The following BORA variants were observed in gnomAD, a reference collection of about 807,000 sequenced individuals.
BORA encodes the protein BORA aurora kinase A activator, also known as protein aurora borealis.
A neutral mutation model predicts 55.8 loss-of-function variants in BORA; 26 were observed. The ratio of observed to expected loss-of-function variants is 0.47; its 90% confidence interval spans 0.34 to 0.65. The LOEUF (loss-of-function observed/expected upper bound fraction) is 0.65. Ranked by LOEUF, BORA falls within the 30% of genes least tolerant of loss-of-function variation. The pLI, the probability that BORA is intolerant of heterozygous loss-of-function variation, is 0.01. For synonymous variants in BORA, 201 were observed against 216.9 expected (o/e 0.93, Z 0.64); for missense variants, 568 against 671.5 (o/e 0.85, Z 1.70).
At chr13:72,731,660 TAAGAG>T (rs150326107) in intron 3 of BORA, among the ~76,000 whole-genome samples, 50,064 of 151,810 alleles carry the variant, frequency 0.33, 9,276 homozygotes, top group East Asian at 0.5. Context: ...AGCACTCAGT[TAAGAG>T]AAGAACATTT....
In BORA at chr13:72,755,558, T is replaced by G; in HGVS notation, c.*342T>G. Reference sequence around the variant, plus strand: ...TACTGGTAGCACTGAATTTAGCAGTTCTGAGAACATGTGAAACTATGTTAA... The same window carrying G: ...TACTGGTAGCACTGAATTTAGCAGTGCTGAGAACATGTGAAACTATGTTAA... On this transcript the variant is annotated 3_prime_UTR_variant, in exon 12 of 12. Coordinates refer to ENST00000390667, the MANE Select transcript of BORA (RefSeq NM_024808.5). 3.0e-6 allele frequency: 1 copy of G among 334,128 alleles called. No individual in the cohort carries two copies. The highest frequency in any genetic ancestry group is 4.8e-5 in the East Asian group (1 of 20,830). 20.7% of individuals were successfully genotyped at this position (334,128 alleles called of 1,614,324 possible). A position where few individuals can be genotyped will look rare whatever the true frequency, so the allele number is the denominator to read the frequency against.
chr13:72,728,786 T>G (rs1188931540), intron 1 of BORA, 140 bp from the exon 2 acceptor site: 1 of 637,604 alleles, frequency 1.6e-6, no homozygotes, highest in Non-Finnish European at 2.5e-6. Context: ...ATACTTTTTT[T>G]GTAAGCTGTA....
Position 72,737,946 on chromosome 13 carries a change from A to G in BORA, c.307-16A>G. ...GGTGGAATTTATGCCTAATTGTATG[A>G]CTTTAATTTTCCTAGTTTTTCACTA... On this transcript the variant is annotated splice_polypyrimidine_tract_variant and intron_variant, in intron 4 of 11. Transcript: ENST00000390667. 6.5e-7 allele frequency: 1 copy of G among 1,536,734 alleles called. No individual in the cohort carries two copies. The highest frequency in any genetic ancestry group is 2.3e-5 in the East Asian group (1 of 42,970).
chr13:72,747,210 G>A (rs2033169516), intron 10 of BORA, 99 bp downstream of exon 10: 1 of 1,286,452 alleles, frequency 7.8e-7, no homozygotes, highest in Non-Finnish European at 1.1e-6. Context: ...TTAAACATGA[G>A]GACTACAGTA....
rs908418536 is a variant in BORA at position 72,746,753 on chromosome 13, C to T, written c.1124C>T (p.Ser375Leu). ...AATATTCCTTCCACAGATGTCTCAT[C>T]ACCCGCCATGGATGCTGCTGGAATA... is the stretch of plus-strand genomic sequence containing the variant. The part of the protein sequence containing the change: ...KENIPSTDVS[S>L]PAMDAAGIHL... Residue 375 changes from serine (S) to leucine (L), a missense_variant, in exon 10 of 12, where the codon TCA (serine) becomes TTA (leucine). Transcript: ENST00000390667. The T allele has an allele frequency of 6.2e-7, 1 of 1,614,018 alleles. No homozygotes were observed. Among genetic ancestry groups the T allele is most frequent in the African/African-American group, 1.3e-5 (1 of 74,920 alleles).
chr13:72,755,074 T>G, intron 11 of BORA, 77 bp from the exon 12 acceptor site: 1 of 1,283,018 alleles, frequency 7.8e-7, no homozygotes. Context: ...TTTTAGGTTT[T>G]AAAAACAGTC....
At chr13:72,739,236 A>G (rs1418403838) in intron 5 of BORA, among the ~76,000 whole-genome samples, 1 of 152,190 alleles carries the variant, frequency 6.6e-6, no homozygotes, top group Non-Finnish European at 1.5e-5. Flanking sequence ...CAACAGATGA[A>G]TCAACCTTCT....
intron 10 of BORA, among the ~76,000 whole-genome samples, chr13:72,751,492 C>T (rs1297325262): frequency 2.6e-5 from 4 of 152,026 alleles, no homozygotes; most frequent in African/African-American, 9.7e-5. Flanking sequence ...ATAAGCCAGG[C>T]ACAGAAAGAT....
intron 5 of BORA, among the ~76,000 whole-genome samples, chr13:72,742,932 T>C (rs1434290139): frequency 1.3e-5 from 2 of 152,138 alleles, no homozygotes; most frequent in Non-Finnish European, 2.9e-5. Flanking sequence ...AAATACTGAA[T>C]GATTTCACTT....
At chr13:72,750,881 G>T (rs773851976) in intron 10 of BORA, among the ~76,000 whole-genome samples, 4 of 152,118 alleles carry the variant, frequency 2.6e-5, no homozygotes, top group Non-Finnish European at 4.4e-5. Context: ...AGTAGCCGCA[G>T]TAACTCCTCC....
chr13:72,734,072 G>A (rs2032870738), intron 3 of BORA, among the ~76,000 whole-genome samples: 3 of 152,124 alleles, frequency 2.0e-5, no homozygotes, highest in Admixed American at 1.3e-4. Context: ...AGAGGAGGGA[G>A]ATCAGGAAAA....
At chr13:72,741,742 T>C (rs1379428889) in intron 5 of BORA, among the ~76,000 whole-genome samples, 1 of 152,140 alleles carries the variant, frequency 6.6e-6, no homozygotes, top group Non-Finnish European at 1.5e-5. Context: ...TGTAGGTGTC[T>C]TTCTGGTCTG....
chr13:72,728,055 A>C, intron 1 of BORA, 48 bp downstream of exon 1: 1 of 1,549,958 alleles, frequency 6.5e-7, no homozygotes. Context: ...GTCTGAATGG[A>C]GAGGTTTCTT....
chr13:72,746,348 ATTG>A (rs1295986124), intron 9 of BORA, among the ~76,000 whole-genome samples, 150 bp from the exon 10 acceptor site: 1 of 152,178 alleles, frequency 6.6e-6, no homozygotes, highest in Non-Finnish European at 1.5e-5. Context: ...CATTTGTGCT[ATTG>A]TTTTTGACAT....
Position 72,755,665 on chromosome 13 carries a change from A to AAACT in BORA, c.*454_*457dup, listed in dbSNP as rs1244949258. ...CCTATGTGAAGAAATCTTAGATATA[A>AAACT]AACTAACTTTTCAAAGATACAAAAG... On this transcript the variant is annotated 3_prime_UTR_variant, in exon 12 of 12. Coordinates refer to ENST00000390667, the MANE Select transcript of BORA (RefSeq NM_024808.5). 14 of 388,782 alleles carry AAACT rather than the reference A, an allele frequency of 3.6e-5. No individual in the cohort carries two copies. The highest frequency in any genetic ancestry group is 5.9e-5 in the Non-Finnish European group (13 of 220,456). The allele number at this position is 388,782 out of a possible 1,614,324, so 24.1% of individuals were successfully genotyped here. A position where few individuals can be genotyped will look rare whatever the true frequency, so the allele number is the denominator to read the frequency against.
intron 11 of BORA, 200 bp from the exon 12 acceptor site, chr13:72,754,951 C>T (rs897435147): frequency 1.8e-5 from 9 of 500,062 alleles, no homozygotes; most frequent in African/African-American, 5.9e-5. Flanking sequence ...TGGGCTCGTG[C>T]GATCCTCCCA....
At chr13:72,736,102 C>G (rs2032921532) in intron 4 of BORA, among the ~76,000 whole-genome samples, 1 of 152,002 alleles carries the variant, frequency 6.6e-6, no homozygotes, top group African/African-American at 2.4e-5. Flanking sequence ...CTTCTTCTAT[C>G]TAGTAACTGC....
intron 4 of BORA, among the ~76,000 whole-genome samples, chr13:72,735,503 G>A (rs2032903453): frequency 6.6e-6 from 1 of 152,028 alleles, no homozygotes; most frequent in Non-Finnish European, 1.5e-5. Context: ...AAACAGGAAA[G>A]GTATATCATA....
intron 6 of BORA, among the ~76,000 whole-genome samples, chr13:72,743,904 T>C (rs1318706538): frequency 6.6e-6 from 1 of 151,754 alleles, no homozygotes; most frequent in Non-Finnish European, 1.5e-5. Flanking sequence ...CCTGGCTAAT[T>C]TTTGTATTTT....
Sources: allele counts gnomAD v4.1 joint callset (sites outside exome capture counted in the v4.1 genomes callset), GRCh38; gene constraint gnomAD v4.1.1; transcripts MANE v1.5; gene names NCBI Gene and HGNC (gene_info 2026-07-23, HGNC 2026-07-21).